Variants in ABHD12 observed in about 807,000 individuals in gnomAD.
The protein encoded by ABHD12 is abhydrolase domain containing 12, lysophospholipase.
ABHD12 carries 43 observed loss-of-function variants against 58.3 expected under a neutral mutation model. The observed-to-expected ratio is 0.74, with a 90% CI of 0.58 to 0.95. ABHD12 has a LOEUF of 0.95. ABHD12 is among the 40% of genes least tolerant of loss of function. The pLI is 0.00. For synonymous variants in ABHD12, 219 were observed against 211.2 expected, an observed-to-expected ratio of 1.04 and a Z score of -0.32; for missense variants, 539 against 537.2, an observed-to-expected ratio of 1.00 and a Z score of -0.03.
Position 25,390,661 on chromosome 20 carries a change from A to G in ABHD12, c.43T>C (p.Cys15Arg). The change falls in exon 1 of 13, where the codon TGC (cysteine) becomes CGC (arginine). Residue 15 changes from cysteine to arginine, a missense_variant. Transcript: ENST00000339157. ...GAGGAGGACGAGCCCGCGGCGGCGC[A>G]GCGCTCATGCTCCAAGGCGACGGGC... is the stretch of plus-strand genomic sequence containing the variant. ...TEPVALEHER[C>R]AAAGSSSSGS... 2 of 1,439,800 alleles carry G rather than the reference A, an allele frequency of 1.4e-6. No individual in the cohort carries two copies. The highest frequency in any genetic ancestry group is 1.8e-6 in the Non-Finnish European group (2 of 1,100,266). 89.2% of individuals were successfully genotyped at this position (1,439,800 alleles called of 1,614,324 possible). A position where few individuals can be genotyped will look rare whatever the true frequency, so the allele number is the denominator to read the frequency against.
At chr20:25,352,315 G>A (rs779168421) in intron 1 of ABHD12, among the ~76,000 whole-genome samples, 1 of 151,834 alleles carries the variant, frequency 6.6e-6, no homozygotes, top group Admixed American at 6.6e-5. Context: ...TTGAGACGGA[G>A]TCTCGCTCTG....
chr20:25,331,768 C>G (rs1488578277), intron 2 of ABHD12, among the ~76,000 whole-genome samples: 1 of 152,010 alleles, frequency 6.6e-6, no homozygotes, highest in Non-Finnish European at 1.5e-5. Context: ...GAGATTGTGT[C>G]ACCACCAGGC....
chr20:25,385,075 C>T (rs544969750), intron 1 of ABHD12, among the ~76,000 whole-genome samples: 47 of 151,946 alleles, frequency 3.1e-4, no homozygotes, highest in African/African-American at 1.1e-3. Context: ...CGGTGGCTCA[C>T]GCCTGTAATC....
At chr20:25,314,820 C>T in intron 6 of ABHD12, 105 bp downstream of exon 6, 2 of 1,262,628 alleles carry the variant, frequency 1.6e-6, no homozygotes, top group East Asian at 2.3e-5. Context: ...ACAGGCAAAG[C>T]AGGCGCTGGC....
intron 1 of ABHD12, among the ~76,000 whole-genome samples, chr20:25,365,518 G>A (rs532344599): frequency 1.4e-4 from 22 of 152,302 alleles, no homozygotes; most frequent in Middle Eastern, 3.4e-3. Flanking sequence ...GTGGTTTCCA[G>A]CAATCAGTGC....
intron 1 of ABHD12, among the ~76,000 whole-genome samples, chr20:25,363,860 T>C (rs552722314): frequency 3.9e-5 from 6 of 152,076 alleles, no homozygotes; most frequent in Non-Finnish European, 4.4e-5. Context: ...GGAGAAACTC[T>C]GTCTCAAAAA....
At chr20:25,372,018 TAG>T (rs1032654997) in intron 1 of ABHD12, among the ~76,000 whole-genome samples, 1 of 152,216 alleles carries the variant, frequency 6.6e-6, no homozygotes, top group African/African-American at 2.4e-5. Flanking sequence ...GTTGTTTTTT[TAG>T]AGAGGGGATC....
At chr20:25,296,498 G>A (rs200465936), downstream of ABHD12, 53 of 1,613,376 alleles carry the variant, frequency 3.3e-5, no homozygotes, top group Middle Eastern at 3.3e-4. Context: ...TGCAGATCCC[G>A]CCCCCCAACA....
intron 5 of ABHD12, among the ~76,000 whole-genome samples, chr20:25,316,500 A>G (rs2088965003): frequency 6.6e-6 from 1 of 152,206 alleles, no homozygotes; most frequent in South Asian, 2.1e-4. Context: ...ACATTGAAAA[A>G]CAATTTCCAG....
rs1307770360 is a variant in ABHD12 at position 25,309,580 on chromosome 20, G to T, written c.620-5C>A. ...TTCCCACTGAGTCACCCCAACCTGG[G>T]AGGGAGAAACGGCAGGACGGGGAGG... On this transcript the variant is annotated splice_polypyrimidine_tract_variant and splice_region_variant and intron_variant, in intron 6 of 12. Transcript: ENST00000339157. 6.2e-7 allele frequency: 1 copy of T among 1,614,076 alleles called. No individual in the cohort carries two copies. Among genetic ancestry groups the T allele is most frequent in the Non-Finnish European group, 8.5e-7 (1 of 1,179,966 alleles).
At chr20:25,376,764 C>G (rs781699842) in intron 1 of ABHD12, among the ~76,000 whole-genome samples, 5 of 152,176 alleles carry the variant, frequency 3.3e-5, no homozygotes, top group Non-Finnish European at 5.9e-5. Context: ...TCCACTCTAG[C>G]CTTCAGTGAA....
intron 1 of ABHD12, among the ~76,000 whole-genome samples, chr20:25,365,002 G>A (rs2089800386): frequency 6.6e-6 from 1 of 152,176 alleles, no homozygotes; most frequent in African/African-American, 2.4e-5. Flanking sequence ...ACATTTCCCA[G>A]CTCAACATGG....
chr20:25,303,945 T>G (rs2088687948), intron 10 of ABHD12, among the ~76,000 whole-genome samples: 1 of 152,264 alleles, frequency 6.6e-6, no homozygotes, highest in Non-Finnish European at 1.5e-5. Context: ...AAACTTAGTG[T>G]AAATGAATGT....
At chr20:25,317,013 C>A (rs1431971817) in intron 5 of ABHD12, 35 bp downstream of exon 5, 2 of 1,605,572 alleles carry the variant, frequency 1.2e-6, no homozygotes. Context: ...GAAAGAACAG[C>A]CCAGGGAACA....
intron 1 of ABHD12, among the ~76,000 whole-genome samples, chr20:25,363,482 G>A (rs2089780261): frequency 6.6e-6 from 1 of 152,056 alleles, no homozygotes; most frequent in Non-Finnish European, 1.5e-5. Context: ...CTCCCAAAGT[G>A]CTGGGAGAGC....
intron 2 of ABHD12, among the ~76,000 whole-genome samples, chr20:25,328,765 C>T (rs1351969013): frequency 6.6e-6 from 1 of 152,142 alleles, no homozygotes; most frequent in African/African-American, 2.4e-5. Flanking sequence ...TTAGAAACAA[C>T]CATGAAAAGG....
intron 1 of ABHD12, among the ~76,000 whole-genome samples, chr20:25,362,737 C>T (rs1345397503): frequency 2.0e-5 from 3 of 151,210 alleles, no homozygotes; most frequent in South Asian, 2.1e-4. Context: ...TGCAATGGCG[C>T]GATCTTGGCT....
intron 1 of ABHD12, among the ~76,000 whole-genome samples, chr20:25,385,925 C>T (rs1362683436): frequency 2.6e-5 from 4 of 151,692 alleles, no homozygotes; most frequent in South Asian, 2.1e-4. Flanking sequence ...GGTGAAACCC[C>T]GTCTCTACTA....
chr20:25,374,619 G>A (rs539853363), intron 1 of ABHD12, among the ~76,000 whole-genome samples: 8 of 151,848 alleles, frequency 5.3e-5, no homozygotes, highest in African/African-American at 9.7e-5. Context: ...TCAGCCTCCC[G>A]AGTAGCTGGG....
Sources: allele counts gnomAD v4.1 joint callset (sites outside exome capture counted in the v4.1 genomes callset), GRCh38; gene constraint gnomAD v4.1.1; transcripts MANE v1.5; gene names NCBI Gene and HGNC (gene_info 2026-07-23, HGNC 2026-07-21).